Variants in DSCAM observed in about 807,000 individuals in gnomAD.
DSCAM encodes the protein DS cell adhesion molecule, also known as cell adhesion molecule DSCAM.
In DSCAM, 47 loss-of-function variants were observed where a neutral mutation model predicts 217.7. That is an observed-to-expected ratio of 0.22 (90% CI 0.17 to 0.28). The LOEUF (loss-of-function observed/expected upper bound fraction) is 0.28, where lower values mean the gene tolerates loss of function less well. Ranked by LOEUF, DSCAM falls within the 10% of genes least tolerant of loss-of-function variation. The pLI is 1.00. For missense variants in DSCAM, 2,080 were observed against 2,618.3 expected (o/e 0.79, Z 4.49); for synonymous variants, 1,056 against 1,015.3 (o/e 1.04, Z -0.76).
rs148861276 is a variant in DSCAM, at chr21:40,819,669, T to G, written c.43+26950A>C. 7.9e-4 allele frequency among the ~76,000 whole-genome samples: 121 copies of G among 152,360 alleles called. No individual in the cohort carries two copies. In the East Asian group the frequency reaches 0.018, roughly 23 times the overall value. ...GGATATATTGATCTGCATTGGCTTA[T>G]ATGCGAATTTCTAATTTCTTCCAAC... is the stretch of plus-strand genomic sequence containing the variant. On this transcript the variant is annotated intron_variant, in intron 1 of 32. Transcript: ENST00000400454.
At chr21:40,308,335 G>A (rs371075022) in intron 9 of DSCAM, among the ~76,000 whole-genome samples, 102 of 152,188 alleles carry the variant, frequency 6.7e-4, no homozygotes, top group African/African-American at 2.4e-3. Context: ...CCTTATGCTG[G>A]GGATAGATTA....
chr21:40,150,237 G>A (rs954103711), intron 16 of DSCAM, among the ~76,000 whole-genome samples: 1 of 152,212 alleles, frequency 6.6e-6, no homozygotes, highest in East Asian at 1.9e-4. Context: ...CGCTCATAGA[G>A]CCTCAGAGAA....
intron 3 of DSCAM, among the ~76,000 whole-genome samples, chr21:40,411,244 ACAAG>A (rs1171236396): frequency 6.6e-6 from 1 of 151,932 alleles, no homozygotes. Flanking sequence ...GGGAAAACAA[ACAAG>A]CAAACAATAA....
chr21:40,662,038 C>G (rs1483678337), intron 3 of DSCAM, among the ~76,000 whole-genome samples: 1 of 152,160 alleles, frequency 6.6e-6, no homozygotes, highest in East Asian at 1.9e-4. Flanking sequence ...ACATGCCCAG[C>G]CTTGTGGCAG....
At position 40,074,799 on chromosome 21, in the gene DSCAM, T is replaced by C. The variant is rs540725610; in HGVS notation, c.4888+238A>G. On this transcript the variant is annotated intron_variant, in intron 27 of 32. Transcript: ENST00000400454. Reference sequence around the variant, plus strand: ...TTTCCTTGCATACCAACAGCTAGGATTTAGGGGACAGGTTGGCTTTCACCT... The same window carrying C: ...TTTCCTTGCATACCAACAGCTAGGACTTAGGGGACAGGTTGGCTTTCACCT... Among the ~76,000 whole-genome samples, 19 of 152,160 alleles carry C rather than the reference T, an allele frequency of 1.2e-4. 1 individual carries two copies. The South Asian group carries it at 3.5e-3, about 28-fold the overall frequency.
intron 3 of DSCAM, among the ~76,000 whole-genome samples, chr21:40,593,320 C>T (rs1384227338): frequency 1.4e-5 from 2 of 145,850 alleles, no homozygotes; most frequent in African/African-American, 2.5e-5. Context: ...TGATGTTTCT[C>T]TTTTTTTTTT....
intron 10 of DSCAM, among the ~76,000 whole-genome samples, chr21:40,293,510 T>A (rs1207491464): frequency 6.6e-6 from 1 of 152,180 alleles, no homozygotes; most frequent in Non-Finnish European, 1.5e-5. Flanking sequence ...AAATAAACCC[T>A]TGTGAATTTA....
Position 40,708,445 on chromosome 21 carries a change from T to G in DSCAM, c.361+9A>C, listed in dbSNP as rs2090740923. On this transcript the variant is annotated intron_variant, in intron 2 of 32. Coordinates refer to ENST00000400454, the MANE Select transcript of DSCAM (RefSeq NM_001389.5). Reference sequence around the variant, plus strand: ...GCACAGAAAAAACAAAGCCCAGAGCTGTACTCACCAGCCTTGATGTGGACA... The same window carrying G: ...GCACAGAAAAAACAAAGCCCAGAGCGGTACTCACCAGCCTTGATGTGGACA... The G allele has an allele frequency of 1.3e-6, 2 of 1,484,432 alleles. No homozygotes were observed. The highest frequency in any genetic ancestry group is 3.0e-5 in the South Asian group (2 of 65,894). The allele number at this position is 1,484,432 out of a possible 1,614,324, so 92.0% of individuals were successfully genotyped here. A position where few individuals can be genotyped will look rare whatever the true frequency, so the allele number is the denominator to read the frequency against.
intron 30 of DSCAM, among the ~76,000 whole-genome samples, chr21:40,044,998 T>G (rs2088821669): frequency 6.6e-6 from 1 of 152,194 alleles, no homozygotes; most frequent in African/African-American, 2.4e-5. Context: ...AAGGTCATAT[T>G]GGAATAGGGT....
At chr21:40,835,086 T>C (rs2092046223) in intron 1 of DSCAM, among the ~76,000 whole-genome samples, 1 of 152,246 alleles carries the variant, frequency 6.6e-6, no homozygotes, top group Non-Finnish European at 1.5e-5. Context: ...AAATATTTTC[T>C]ATGGGTTAAG....
At chr21:40,644,833 C>T (rs1428818643) in intron 3 of DSCAM, among the ~76,000 whole-genome samples, 3 of 152,160 alleles carry the variant, frequency 2.0e-5, no homozygotes, top group Non-Finnish European at 2.9e-5. Context: ...ACCTGGACAA[C>T]TCACAGTCAA....
At chr21:40,305,019 G>T (rs531093158) in intron 9 of DSCAM, among the ~76,000 whole-genome samples, 28 of 152,188 alleles carry the variant, frequency 1.8e-4, no homozygotes, top group African/African-American at 6.7e-4. Context: ...GGAAAAAATG[G>T]TCCCCATAGA....
intron 3 of DSCAM, among the ~76,000 whole-genome samples, chr21:40,498,551 T>C (rs998968748): frequency 1.3e-5 from 2 of 150,304 alleles, no homozygotes; most frequent in African/African-American, 4.9e-5. Context: ...TATAAGCACA[T>C]GTATTTCACA....
chr21:40,548,947 G>A (rs1378404241), intron 3 of DSCAM, among the ~76,000 whole-genome samples: 4 of 152,344 alleles, frequency 2.6e-5, no homozygotes, highest in Middle Eastern at 3.4e-3. Context: ...GCTCATGCCT[G>A]TAATCCCAGC....
intron 3 of DSCAM, among the ~76,000 whole-genome samples, chr21:40,530,213 A>C (rs1568881474): frequency 6.6e-6 from 1 of 152,110 alleles, no homozygotes; most frequent in Non-Finnish European, 1.5e-5. Context: ...ACTCCTCCTG[A>C]TTTGGTTTTC....
At chr21:40,301,635 CTG>C (rs1416342841) in intron 9 of DSCAM, among the ~76,000 whole-genome samples, 1 of 152,228 alleles carries the variant, frequency 6.6e-6, no homozygotes, top group Non-Finnish European at 1.5e-5. Flanking sequence ...GTTTAACAGT[CTG>C]TGTCCCATAC....
chr21:40,665,547 T>C (rs1306666304), intron 3 of DSCAM, among the ~76,000 whole-genome samples: 1 of 152,144 alleles, frequency 6.6e-6, no homozygotes. Flanking sequence ...TTCCCTGACC[T>C]CTGACAGGCC....
intron 3 of DSCAM, among the ~76,000 whole-genome samples, chr21:40,670,583 T>C (rs540686050): frequency 6.6e-6 from 1 of 151,462 alleles, no homozygotes; most frequent in South Asian, 2.1e-4. Context: ...ATAAGTGGAA[T>C]CATATAGTAT....
chr21:40,705,438 A>C (rs529851081), intron 2 of DSCAM, among the ~76,000 whole-genome samples: 1 of 152,194 alleles, frequency 6.6e-6, no homozygotes, highest in South Asian at 2.1e-4. Context: ...GTATTAGTCC[A>C]TTCTCACACT....
Sources: gnomAD v4.1 joint callset for allele counts (sites outside exome capture counted in the v4.1 genomes callset) on GRCh38, gnomAD v4.1.1 for gene constraint, MANE v1.5 for transcripts, NCBI Gene and HGNC (gene_info 2026-07-23, HGNC 2026-07-21) for gene names.